The following ATF1 variants were observed in gnomAD, a reference collection of about 807,000 sequenced individuals.
ATF1 encodes the protein activating transcription factor 1.
A neutral mutation model predicts 34.7 loss-of-function variants in ATF1; 16 were observed. The ratio of observed to expected loss-of-function variants is 0.46; its 90% CI spans 0.31 to 0.70. The LOEUF (loss-of-function observed/expected upper bound fraction) is 0.70. ATF1 is among the 30% of genes least tolerant of loss of function. The pLI, the probability that ATF1 is intolerant of heterozygous loss-of-function variation, is 0.05. For synonymous variants in ATF1, 105 were observed against 113.1 expected, an observed-to-expected ratio of 0.93 and a Z score of 0.46; for missense variants, 255 against 321.6, an observed-to-expected ratio of 0.79 and a Z score of 1.58.
At chr12:50,764,907 C>T (rs1940593202) in intron 1 of ATF1, among the ~76,000 whole-genome samples, 1 of 152,316 alleles carries the variant, frequency 6.6e-6, no homozygotes, top group East Asian at 1.9e-4. Flanking sequence ...CAGTAGGCGG[C>T]TTTACCCCTG....
At chr12:50,773,864 A>G (rs1940844845) in intron 1 of ATF1, among the ~76,000 whole-genome samples, 1 of 152,094 alleles carries the variant, frequency 6.6e-6, no homozygotes, top group Admixed American at 6.5e-5. Flanking sequence ...CGCTAGGATT[A>G]CAGGTGTGAG....
At chr12:50,767,334 C>T (rs1200475703) in intron 1 of ATF1, among the ~76,000 whole-genome samples, 1 of 152,020 alleles carries the variant, frequency 6.6e-6, no homozygotes, top group African/African-American at 2.4e-5. Flanking sequence ...CCGTGGCCAA[C>T]ATGGTGAAAC....
chr12:50,774,787 G>A (rs1053237893), intron 1 of ATF1, among the ~76,000 whole-genome samples: 4 of 147,530 alleles, frequency 2.7e-5, no homozygotes, highest in Admixed American at 6.8e-5. Flanking sequence ...TCACTCTGTC[G>A]CCCAGGCTGG....
chr12:50,786,416 G>A lies in ATF1; in HGVS notation c.93+6178G>A, dbSNP rs1007785238. ...AGTCCAAGTGTAGGCAAGCGTGAGC[G>A]TATAGAATCCTTGGGAGCTGCAGAC... On this transcript the variant is annotated intron_variant, in intron 2 of 6. Transcript: ENST00000262053. Among the ~76,000 whole-genome samples the A allele has an allele frequency of 7.9e-5, 12 of 152,086 alleles. No homozygotes were observed. In the South Asian group the frequency reaches 1.9e-3, roughly 24 times the overall value.
intron 2 of ATF1, among the ~76,000 whole-genome samples, chr12:50,786,822 G>A (rs1026710605): frequency 6.6e-6 from 1 of 152,128 alleles, no homozygotes. Context: ...GAACCTCCCT[G>A]TTGGTGCTGT....
At chr12:50,815,977 G>T (rs1565921544) in intron 6 of ATF1, among the ~76,000 whole-genome samples, 1 of 152,108 alleles carries the variant, frequency 6.6e-6, no homozygotes. Context: ...GGCACAAAAA[G>T]AAAAAATATC....
intron 3 of ATF1, among the ~76,000 whole-genome samples, chr12:50,796,278 C>T (rs776677610): frequency 3.3e-5 from 5 of 151,900 alleles, no homozygotes; most frequent in African/African-American, 1.2e-4. Flanking sequence ...GCCTGTAGTC[C>T]CATCTACTTA....
At chr12:50,784,829 T>C (rs1324212937) in intron 2 of ATF1, among the ~76,000 whole-genome samples, 1 of 152,086 alleles carries the variant, frequency 6.6e-6, no homozygotes, top group Non-Finnish European at 1.5e-5. Flanking sequence ...TATATATTGG[T>C]TGTAAAGCCA....
chr12:50,786,410 G>A (rs891572169), intron 2 of ATF1, among the ~76,000 whole-genome samples: 10 of 152,282 alleles, frequency 6.6e-5, no homozygotes, highest in South Asian at 2.1e-4. Flanking sequence ...GTAGGCAAGC[G>A]TGAGCGTATA....
intron 3 of ATF1, among the ~76,000 whole-genome samples, chr12:50,797,540 G>A (rs1941432143): frequency 6.6e-6 from 1 of 152,136 alleles, no homozygotes; most frequent in South Asian, 2.1e-4. Flanking sequence ...GTGCAGTGGT[G>A]TGATCACAGC....
At chr12:50,790,525 G>A (rs1941280053) in intron 2 of ATF1, among the ~76,000 whole-genome samples, 1 of 151,992 alleles carries the variant, frequency 6.6e-6, no homozygotes, top group African/African-American at 2.4e-5. Context: ...ATTTCTCTAT[G>A]CCCATATTGG....
chr12:50,780,220 T>C lies in ATF1; in HGVS notation c.75T>C (p.Ile25=). 1 of 1,612,950 alleles carries C rather than the reference T, an allele frequency of 6.2e-7. No individual in the cohort carries two copies. The highest frequency in any genetic ancestry group is 8.5e-7 in the Non-Finnish European group (1 of 1,179,050). ...QPGSAVQGAH[I]SHIAQQVSSL... ...GTTCAGCAGTTCAGGGAGCTCACATTTCTCATATTGCTCAACAGGTAAGGG... is the reference window on the plus strand; with the variant it reads ...GTTCAGCAGTTCAGGGAGCTCACATCTCTCATATTGCTCAACAGGTAAGGG... Residue 25 remains isoleucine (I), a synonymous_variant, in exon 2 of 7, where the codon ATT becomes ATC. Coordinates refer to ENST00000262053, the MANE Select transcript of ATF1 (RefSeq NM_005171.5).
At chr12:50,776,771 G>C (rs1008829212) in intron 1 of ATF1, among the ~76,000 whole-genome samples, 4 of 152,076 alleles carry the variant, frequency 2.6e-5, no homozygotes. Context: ...CTTAATTACA[G>C]AGAAAGGTTT....
chr12:50,803,226 C>T (rs1941548433), intron 3 of ATF1, among the ~76,000 whole-genome samples: 1 of 151,196 alleles, frequency 6.6e-6, no homozygotes, highest in Non-Finnish European at 1.5e-5. Flanking sequence ...CGAGATCGCA[C>T]CACTGTGCTC....
chr12:50,768,763 C>T (rs537251865), intron 1 of ATF1, among the ~76,000 whole-genome samples: 1 of 152,178 alleles, frequency 6.6e-6, no homozygotes, highest in African/African-American at 2.4e-5. Context: ...ATAAACACAT[C>T]TTTAAAATTG....
chr12:50,814,102 A>G lies in ATF1; in HGVS notation c.421A>G (p.Ser141Gly). 1 of 1,614,234 alleles carries G rather than the reference A, an allele frequency of 6.2e-7. No homozygotes were observed. The highest frequency in any genetic ancestry group is 8.5e-7 in the Non-Finnish European group (1 of 1,180,034). Reference protein sequence around the residue: ...LQTLTMTNSGSTQQGTTILQY... With the variant: ...LQTLTMTNSGGTQQGTTILQY... ...GACATTAACCATGACAAATTCAGGCAGTACTCAGCAAGGTACAACTATTCT... is the reference window on the plus strand; with the variant it reads ...GACATTAACCATGACAAATTCAGGCGGTACTCAGCAAGGTACAACTATTCT... The change falls in exon 5 of 7, where the codon AGT becomes GGT. Residue 141 changes from serine (S) to glycine (G), a missense_variant. Coordinates refer to ENST00000262053, the MANE Select transcript of ATF1 (RefSeq NM_005171.5).
At chr12:50,766,154 G>A (rs1940629696) in intron 1 of ATF1, among the ~76,000 whole-genome samples, 1 of 152,170 alleles carries the variant, frequency 6.6e-6, no homozygotes, top group Non-Finnish European at 1.5e-5. Context: ...TTGGGTAAGT[G>A]TTGGGGTCCT....
chr12:50,766,982 C>A (rs566583340), intron 1 of ATF1, among the ~76,000 whole-genome samples: 47 of 152,258 alleles, frequency 3.1e-4, no homozygotes, highest in African/African-American at 1.1e-3. Context: ...GGGTGCTAAG[C>A]GGAGTGGCTA....
intron 1 of ATF1, among the ~76,000 whole-genome samples, chr12:50,773,677 C>T (rs1327308250): frequency 6.6e-6 from 1 of 151,956 alleles, no homozygotes; most frequent in African/African-American, 2.4e-5. Context: ...ATCGTTTCCG[C>T]CTCCTGGGTT....
Sources: allele counts gnomAD v4.1 joint callset (sites outside exome capture counted in the v4.1 genomes callset), GRCh38; gene constraint gnomAD v4.1.1; transcripts MANE v1.5; gene names NCBI Gene and HGNC (gene_info 2026-07-23, HGNC 2026-07-21).